Variants in CDA observed in about 807,000 individuals in gnomAD.
CDA encodes the protein cytidine deaminase, also known as cytidine aminohydrolase.
CDA carries 7 observed loss-of-function variants against 15.0 expected under a neutral mutation model. The ratio of observed to expected loss-of-function variants is 0.47; its 90% CI spans 0.26 to 0.87. The LOEUF is 0.87. Ranked by LOEUF, CDA falls within the 40% of genes least tolerant of loss-of-function variation. CDA has a pLI of 0.15. For synonymous variants in CDA, 58 were observed against 73.0 expected (o/e 0.79, Z 1.05); for missense variants, 159 against 182.7 (o/e 0.87, Z 0.75).
At chr1:20,591,835 A>C (rs975537204) in intron 1 of CDA, among the ~76,000 whole-genome samples, 5 of 145,404 alleles carry the variant, frequency 3.4e-5, no homozygotes, top group Non-Finnish European at 6.0e-5. Flanking sequence ...TTATTTATTT[A>C]TGGGTTTTTT....
At chr1:20,589,857 C>T (rs375793193) in intron 1 of CDA, among the ~76,000 whole-genome samples, 3 of 152,050 alleles carry the variant, frequency 2.0e-5, no homozygotes, top group African/African-American at 2.4e-5. Flanking sequence ...CGGGGGTGGT[C>T]GGTGGAGAAT....
chr1:20,618,784 T>G lies in CDA; in HGVS notation c.*216T>G. ...GCCCCCTGCCCCACCTTTCCTTTCCTTCCTGTGGGCCCTCTTTCAAAGTCC... is the reference window on the plus strand; with the variant it reads ...GCCCCCTGCCCCACCTTTCCTTTCCGTCCTGTGGGCCCTCTTTCAAAGTCC... On this transcript the variant is annotated 3_prime_UTR_variant, in exon 4 of 4. Transcript: ENST00000375071. 1 of 547,196 alleles carries G rather than the reference T, an allele frequency of 1.8e-6. No individual in the cohort carries two copies. 33.9% of individuals were successfully genotyped at this position (547,196 alleles called of 1,614,324 possible).
intron 1 of CDA, among the ~76,000 whole-genome samples, chr1:20,602,921 G>A (rs550795040): frequency 6.6e-6 from 1 of 152,200 alleles, no homozygotes; most frequent in Non-Finnish European, 1.5e-5. Flanking sequence ...CATTCCTGCT[G>A]CCCCATCTTA....
chr1:20,616,251 A>G (rs1205404051), intron 3 of CDA, among the ~76,000 whole-genome samples: 1 of 152,146 alleles, frequency 6.6e-6, no homozygotes, highest in African/African-American at 2.4e-5. Flanking sequence ...ATTTTCAACC[A>G]TGGAGGAAAC....
intron 1 of CDA, 67 bp downstream of exon 1, chr1:20,589,350 A>G: frequency 2.0e-6 from 3 of 1,494,922 alleles, no homozygotes; most frequent in Non-Finnish European, 2.8e-6. Flanking sequence ...GAAGATGTAC[A>G]GGAAGAGGCG....
intron 1 of CDA, among the ~76,000 whole-genome samples, chr1:20,597,760 A>G (rs2101179672): frequency 6.6e-6 from 1 of 152,344 alleles, no homozygotes; most frequent in Non-Finnish European, 1.5e-5. Context: ...AAGCAAAGGC[A>G]ATAGCAGAAA....
At chr1:20,598,168 A>G (rs907347167) in intron 1 of CDA, among the ~76,000 whole-genome samples, 2 of 152,206 alleles carry the variant, frequency 1.3e-5, no homozygotes, top group African/African-American at 2.4e-5. Context: ...TTAATTGCCA[A>G]TGCAACAGTG....
intron 1 of CDA, among the ~76,000 whole-genome samples, chr1:20,592,581 C>T (rs1009597812): frequency 3.9e-5 from 6 of 152,064 alleles, no homozygotes; most frequent in African/African-American, 7.2e-5. Flanking sequence ...TCAGCAAGGG[C>T]GGGGACAGAG....
At position 20,589,112 on chromosome 1, in the gene CDA, C is replaced by T. The variant is rs759064455; in HGVS notation, c.-18C>T. The T allele has an allele frequency of 6.2e-7, 1 of 1,614,006 alleles. No individual in the cohort carries two copies. Among genetic ancestry groups the T allele is most frequent in the Non-Finnish European group, 8.5e-7 (1 of 1,179,980 alleles). On this transcript the variant is annotated 5_prime_UTR_variant, in exon 1 of 4. Transcript: ENST00000375071. ...GCTCCTGTTTCCCGCTGCTCTGCTG[C>T]CTGCCCGGGGTACCAACATGGCCCA...
chr1:20,618,731 A>G lies in CDA; in HGVS notation c.*163A>G. The G allele has an allele frequency of 3.1e-6, 2 of 651,526 alleles. No homozygotes were observed. The highest frequency in any genetic ancestry group is 2.8e-5 in the East Asian group (1 of 35,374). The allele number at this position is 651,526 out of a possible 1,614,324, so 40.4% of individuals were successfully genotyped here. ...AGCCTGAGTCAGCACCCCTCCTAGC[A>G]ACCTGCCTTGGGACTTAGAACACCG... On this transcript the variant is annotated 3_prime_UTR_variant, in exon 4 of 4. Coordinates refer to ENST00000375071, the MANE Select transcript of CDA (RefSeq NM_001785.3).
At chr1:20,599,657 T>C (rs531169488) in intron 1 of CDA, among the ~76,000 whole-genome samples, 113 of 148,086 alleles carry the variant, frequency 7.6e-4, no homozygotes, top group South Asian at 1.7e-3. Flanking sequence ...TAAAACAAAA[T>C]AAAATAAAAT....
In CDA at chr1:20,617,412, C is replaced by T. The variant is rs185113240; in HGVS notation, c.325-1040C>T. ...TTTGGCTGTGTCCCCACTCAAATCT[C>T]ATCTTGAATTGTAGCTCCCATAATT... On this transcript the variant is annotated intron_variant, in intron 3 of 3. Coordinates refer to ENST00000375071, the MANE Select transcript of CDA (RefSeq NM_001785.3). Among the ~76,000 whole-genome samples, 184 of 152,306 alleles carry T rather than the reference C, an allele frequency of 1.2e-3. 1 individual carries two copies. The East Asian group carries it at 0.027, about 22-fold the overall frequency.
chr1:20,607,755 A>G (rs961671816), intron 2 of CDA, among the ~76,000 whole-genome samples: 4 of 152,184 alleles, frequency 2.6e-5, no homozygotes, highest in South Asian at 2.1e-4. Context: ...CCCAAGATGC[A>G]CTCATTATCG....
intron 1 of CDA, among the ~76,000 whole-genome samples, chr1:20,589,713 C>A (rs1377383879): frequency 6.6e-6 from 1 of 152,138 alleles, no homozygotes; most frequent in Non-Finnish European, 1.5e-5. Context: ...ACGGAGGTCT[C>A]GAGAGGTGAC....
In CDA at chr1:20,614,421, G is replaced by C. The variant is rs918021124; in HGVS notation, c.324+522G>C. On this transcript the variant is annotated intron_variant, in intron 3 of 3. Coordinates refer to ENST00000375071, the MANE Select transcript of CDA (RefSeq NM_001785.3). ...GTAAATAAAGTTTTATGGGTATACA[G>C]CCATGGCCATTCATTCACCTATTGT... is the stretch of plus-strand genomic sequence containing the variant. 3.9e-5 allele frequency among the ~76,000 whole-genome samples: 6 copies of C among 152,176 alleles called. No individual in the cohort carries two copies. In the East Asian group the frequency reaches 1.2e-3, roughly 29 times the overall value.
chr1:20,589,695 A>T (rs2052530800), intron 1 of CDA, among the ~76,000 whole-genome samples: 1 of 152,182 alleles, frequency 6.6e-6, no homozygotes, highest in Non-Finnish European at 1.5e-5. Flanking sequence ...TCGTCTTTAG[A>T]TGAAACTACG....
At chr1:20,615,387 A>G (rs1199987843) in intron 3 of CDA, among the ~76,000 whole-genome samples, 2 of 146,518 alleles carry the variant, frequency 1.4e-5, no homozygotes, top group African/African-American at 5.0e-5. Flanking sequence ...AATCCCAGCA[A>G]TTAGGGAGGC....
chr1:20,613,195 T>C (rs1256139133), intron 2 of CDA, among the ~76,000 whole-genome samples: 1 of 140,032 alleles, frequency 7.1e-6, no homozygotes, highest in Non-Finnish European at 1.5e-5. Flanking sequence ...ATACTGTGTG[T>C]TCCTTCTGCA....
chr1:20,601,690 C>T (rs369601856), intron 1 of CDA, among the ~76,000 whole-genome samples: 3 of 152,310 alleles, frequency 2.0e-5, no homozygotes, highest in East Asian at 3.9e-4. Context: ...AATGACTAAT[C>T]ACTCCTAACA....
Sources: allele counts gnomAD v4.1 joint callset (sites outside exome capture counted in the v4.1 genomes callset), GRCh38; gene constraint gnomAD v4.1.1; transcripts MANE v1.5; gene names NCBI Gene and HGNC (gene_info 2026-07-23, HGNC 2026-07-21).